UBXN4: variants seen among roughly 807,000 people sequenced by gnomAD.
UBXN4 encodes UBX domain protein 4, also known as UBX domain-containing protein 4.
UBXN4 carries 35 observed loss-of-function variants against 66.2 expected under a neutral mutation model. The ratio of observed to expected loss-of-function variants is 0.53; its 90% CI spans 0.40 to 0.70. The LOEUF is 0.70. UBXN4 is among the 30% of genes least tolerant of loss of function. The probability of loss-of-function intolerance (pLI) is 0.00; values close to 1 mark genes in which losing one functional copy is unlikely to be tolerated. For synonymous variants in UBXN4, 203 were observed against 204.5 expected (o/e 0.99, Z 0.06); for missense variants, 533 against 599.8 (o/e 0.89, Z 1.16).
At chr2:135,770,767 CTG>C (rs2077378509) in intron 8 of UBXN4, 32 bp downstream of exon 8, 1 of 1,449,080 alleles carries the variant, frequency 6.9e-7, no homozygotes, top group South Asian at 1.7e-5. Flanking sequence ...ATTCGTGAAA[CTG>C]TTTTTCTGTG....
chr2:135,746,686 G>A (rs2077208914), intron 1 of UBXN4, among the ~76,000 whole-genome samples: 1 of 152,168 alleles, frequency 6.6e-6, no homozygotes, highest in African/African-American at 2.4e-5. Context: ...CTAGTACAAA[G>A]ACCTTATGGC....
chr2:135,769,687 T>C (rs2077370438), intron 6 of UBXN4, 82 bp from the exon 7 acceptor site: 2 of 1,034,696 alleles, frequency 1.9e-6, no homozygotes, highest in Non-Finnish European at 2.7e-6. Context: ...TCCAATTGTT[T>C]TAGCTAAATC....
intron 5 of UBXN4, 22 bp downstream of exon 5, chr2:135,755,713 T>C: frequency 7.0e-7 from 1 of 1,437,844 alleles, no homozygotes; most frequent in Non-Finnish European, 9.2e-7. Context: ...TGTACCTTTT[T>C]GAGTGCAATA....
rs78211035 is a variant in UBXN4, at chr2:135,762,578, T to A, written c.602+667T>A. ...CTTGATATTTTCTTGTTCACATAGATGCTTCGGGGAAACAGGGTTCAAAGT... is the reference window on the plus strand; with the variant it reads ...CTTGATATTTTCTTGTTCACATAGAAGCTTCGGGGAAACAGGGTTCAAAGT... On this transcript the variant is annotated intron_variant, in intron 6 of 12. Coordinates refer to ENST00000272638, the MANE Select transcript of UBXN4 (RefSeq NM_014607.4). Among the ~76,000 whole-genome samples, 1,120 of 152,332 alleles carry A rather than the reference T, an allele frequency of 7.4e-3. 10 individuals carry two copies. The highest frequency in any genetic ancestry group is 0.026 in the African/African-American group (1,062 of 41,564).
At chr2:135,753,224 A>G (rs1483944440) in intron 2 of UBXN4, among the ~76,000 whole-genome samples, 1 of 152,022 alleles carries the variant, frequency 6.6e-6, no homozygotes, top group African/African-American at 2.4e-5. Context: ...GGGTTTCGCC[A>G]TGTTGGCCAG....
intron 2 of UBXN4, among the ~76,000 whole-genome samples, chr2:135,751,858 T>C (rs1403689326): frequency 6.6e-6 from 1 of 152,164 alleles, no homozygotes; most frequent in Non-Finnish European, 1.5e-5. Context: ...TAGAAGCATT[T>C]GTTTGATTAT....
At chr2:135,742,111 G>C (rs2077178398) in intron 1 of UBXN4, 100 bp downstream of exon 1, 3 of 1,403,930 alleles carry the variant, frequency 2.1e-6, no homozygotes, top group Admixed American at 2.1e-5. Flanking sequence ...CCCGAGACGC[G>C]GGCTCCTGTC....
Position 135,780,328 on chromosome 2 carries a change from T to G in UBXN4, c.1331T>G (p.Val444Gly). 6.2e-7 allele frequency: 1 copy of G among 1,614,172 alleles called. No individual in the cohort carries two copies. Among genetic ancestry groups the G allele is most frequent in the Non-Finnish European group, 8.5e-7 (1 of 1,180,038 alleles). ...AATCCGCCTCCCACACAGACTTCAGTGAGAGTAACATCGTCAGAACCCCCA... is the reference window on the plus strand; with the variant it reads ...AATCCGCCTCCCACACAGACTTCAGGGAGAGTAACATCGTCAGAACCCCCA... ...FSNPPPTQTS[V>G]RVTSSEPPNP... The change falls in exon 12 of 13, where the codon GTG (valine) becomes GGG (glycine). Residue 444 changes from valine to glycine, a missense_variant. Val to Gly is a moderately radical substitution (Grantham distance 109, BLOSUM62 -3). Coordinates refer to ENST00000272638, the MANE Select transcript of UBXN4 (RefSeq NM_014607.4).
In UBXN4 at chr2:135,770,696, T is replaced by C; in HGVS notation, c.783T>C (p.Asp261=). The C allele has an allele frequency of 6.4e-7, 1 of 1,566,612 alleles. No individual in the cohort carries two copies. The highest frequency in any genetic ancestry group is 8.6e-7 in the Non-Finnish European group (1 of 1,166,272). ...AAAGAAACAGAGAGAAAGCAGAAGA[T>C]AGGGCAGCTCGAGAACGTATAAAAC... ...LEERNREKAE[D]RAARERIKQQ... Residue 261 remains aspartate (D), a synonymous_variant, in exon 8 of 13, where the codon GAT becomes GAC. Coordinates refer to ENST00000272638, the MANE Select transcript of UBXN4 (RefSeq NM_014607.4).
At chr2:135,750,404 G>A (rs1345619337) in intron 2 of UBXN4, among the ~76,000 whole-genome samples, 2 of 152,098 alleles carry the variant, frequency 1.3e-5, no homozygotes, top group Non-Finnish European at 2.9e-5. Flanking sequence ...TACTCGGGAG[G>A]CTGAGGCAGG....
rs769848105 is a variant in UBXN4 at position 135,782,908 on chromosome 2, CAAT to C, written c.*25_*27del. ...TGTAGTGTGACAAGTATAATATGTG[CAAT>C]AATCATTGTTTCTCTTATGATTTAA... On this transcript the variant is annotated 3_prime_UTR_variant, in exon 13 of 13. Transcript: ENST00000272638. 107 of 1,586,744 alleles carry C rather than the reference CAAT, an allele frequency of 6.7e-5. 1 individual carries two copies. Among genetic ancestry groups the C allele is most frequent in the Middle Eastern group, 3.4e-4 (2 of 5,838 alleles).
chr2:135,766,171 G>A (rs577818359), intron 6 of UBXN4, among the ~76,000 whole-genome samples: 12 of 150,656 alleles, frequency 8.0e-5, no homozygotes, highest in Admixed American at 4.0e-4. Context: ...AAAAAAAGTC[G>A]AAGCCCAAAT....
At chr2:135,781,054 G>A (rs963557160) in intron 12 of UBXN4, among the ~76,000 whole-genome samples, 1 of 152,110 alleles carries the variant, frequency 6.6e-6, no homozygotes, top group African/African-American at 2.4e-5. Flanking sequence ...GTGAGACCTT[G>A]TCTGTACAAA....
chr2:135,756,749 T>C (rs1159975878), intron 5 of UBXN4, among the ~76,000 whole-genome samples: 1 of 152,200 alleles, frequency 6.6e-6, no homozygotes, highest in East Asian at 1.9e-4. Context: ...GCCTGAAAAT[T>C]TTCCTTTAGC....
chr2:135,746,396 A>C (rs1425574910), intron 1 of UBXN4, among the ~76,000 whole-genome samples: 2 of 152,192 alleles, frequency 1.3e-5, no homozygotes, highest in Non-Finnish European at 2.9e-5. Context: ...CCTTCATGGA[A>C]CCTTCATTCT....
intron 5 of UBXN4, among the ~76,000 whole-genome samples, chr2:135,757,195 T>C (rs1343482628): frequency 2.6e-5 from 4 of 152,202 alleles, no homozygotes; most frequent in Non-Finnish European, 5.9e-5. Context: ...TTTTTCACAC[T>C]TATTTTTTCT....
chr2:135,745,508 G>A (rs2077201828), intron 1 of UBXN4, among the ~76,000 whole-genome samples: 1 of 152,164 alleles, frequency 6.6e-6, no homozygotes, highest in Admixed American at 6.6e-5. Flanking sequence ...TTTAAGCTCT[G>A]TTGAAGGCAG....
chr2:135,769,744 G>A, intron 6 of UBXN4, 25 bp from the exon 7 acceptor site: 1 of 1,391,342 alleles, frequency 7.2e-7, no homozygotes, highest in South Asian at 1.3e-5. Flanking sequence ...CTCAATTAGT[G>A]GTGGTTTTTT....
chr2:135,743,850 T>C (rs1044547684), intron 1 of UBXN4, among the ~76,000 whole-genome samples: 1 of 117,678 alleles, frequency 8.5e-6, no homozygotes, highest in Admixed American at 7.8e-5. Flanking sequence ...GGTCTTGCCT[T>C]TCGGGGTTTT....
Sources: allele counts gnomAD v4.1 joint callset (sites outside exome capture counted in the v4.1 genomes callset), GRCh38; gene constraint gnomAD v4.1.1; transcripts MANE v1.5; gene names NCBI Gene and HGNC (gene_info 2026-07-23, HGNC 2026-07-21).